Variants in BRD10 observed in about 807,000 individuals in gnomAD.
BRD10 encodes the protein bromodomain containing 10, also known as uncharacterized bromodomain-containing protein 10.
the BRD10 span, chr9:5,923,207 A>G: frequency 6.8e-6 from 11 of 1,614,006 alleles, no homozygotes; most frequent in Non-Finnish European, 8.5e-7. Context: ...CTGTCGTTTA[A>G]GTGTTTTAAG....
chr9:5,930,675 GA>G, the BRD10 span, among the ~76,000 whole-genome samples: 2 of 151,740 alleles, frequency 1.3e-5, no homozygotes, highest in African/African-American at 4.8e-5. Context: ...AAAGAATTAA[GA>G]AAAAAAATTC....
chr9:5,882,927 C>T, the BRD10 span, among the ~76,000 whole-genome samples: 23 of 152,164 alleles, frequency 1.5e-4, no homozygotes, highest in East Asian at 3.5e-3. Flanking sequence ...CCAAACACCG[C>T]GTGTTCTCAC....
chr9:5,938,397 G>C, the BRD10 span, among the ~76,000 whole-genome samples: 1 of 152,138 alleles, frequency 6.6e-6, no homozygotes, highest in Non-Finnish European at 1.5e-5. Context: ...AGCTAGCTAT[G>C]ATCGTGCCAT....
At chr9:5,882,961 A>G in the BRD10 span, among the ~76,000 whole-genome samples, 1 of 152,162 alleles carries the variant, frequency 6.6e-6, no homozygotes, top group Non-Finnish European at 1.5e-5. Flanking sequence ...TTGAACAATG[A>G]GAACACTTGG....
the BRD10 span, among the ~76,000 whole-genome samples, chr9:5,889,417 T>C: frequency 5.9e-5 from 9 of 152,236 alleles, no homozygotes; most frequent in Admixed American, 2.6e-4. Flanking sequence ...TGAATGTGTA[T>C]GCTACAGGAA....
At chr9:5,988,400 T>A in the BRD10 span, 3 of 1,613,948 alleles carry the variant, frequency 1.9e-6, no homozygotes, top group Non-Finnish European at 2.5e-6. Flanking sequence ...TGAACCATTA[T>A]AGATTCAAAA....
chr9:5,927,114 A>G, the BRD10 span, among the ~76,000 whole-genome samples: 1 of 152,198 alleles, frequency 6.6e-6, no homozygotes, highest in African/African-American at 2.4e-5. Flanking sequence ...ATGTGGGGAT[A>G]GTATAAAGTT....
the BRD10 span, among the ~76,000 whole-genome samples, chr9:6,006,529 G>GAGC: frequency 1.3e-5 from 2 of 152,162 alleles, no homozygotes; most frequent in Non-Finnish European, 2.9e-5. Context: ...CGGATACCAA[G>GAGC]AGCACAGTAT....
the BRD10 span, among the ~76,000 whole-genome samples, chr9:5,880,718 T>C: frequency 2.1e-3 from 306 of 146,344 alleles, 1 homozygote; most frequent in African/African-American, 7.5e-3. Flanking sequence ...TTTTTTTTTT[T>C]CCCTGAGATG....
chr9:6,003,552 G>C, the BRD10 span, among the ~76,000 whole-genome samples: 1 of 152,034 alleles, frequency 6.6e-6, no homozygotes, highest in African/African-American at 2.4e-5. Flanking sequence ...AGAGAAAATT[G>C]TATCTATAGC....
chr9:6,003,048 C>T, the BRD10 span, among the ~76,000 whole-genome samples: 5 of 152,232 alleles, frequency 3.3e-5, no homozygotes, highest in East Asian at 9.6e-4. Context: ...AATCACAAAA[C>T]CAAATAATCT....
At chr9:5,890,846 G>A in the BRD10 span, 1 of 152,010 alleles carries the variant, frequency 6.6e-6, no homozygotes, top group Non-Finnish European at 1.5e-5. Flanking sequence ...CTCAAAACCA[G>A]GAAAAAAAAT....
the BRD10 span, chr9:5,988,429 G>A: frequency 1.9e-6 from 3 of 1,613,692 alleles, no homozygotes; most frequent in African/African-American, 2.7e-5. Context: ...TGTCAAGCCT[G>A]CCAAACTTCG....
At chr9:5,893,253 T>C in the BRD10 span, among the ~76,000 whole-genome samples, 1 of 152,150 alleles carries the variant, frequency 6.6e-6, no homozygotes, top group East Asian at 1.9e-4. Flanking sequence ...ATACTCTGTA[T>C]GTGCTGGGAG....
At chr9:5,942,496 A>G in the BRD10 span, among the ~76,000 whole-genome samples, 1 of 152,228 alleles carries the variant, frequency 6.6e-6, no homozygotes, top group Non-Finnish European at 1.5e-5. Flanking sequence ...AATATCTATC[A>G]CAATCAATAT....
the BRD10 span, among the ~76,000 whole-genome samples, chr9:5,883,762 G>A: frequency 6.6e-6 from 1 of 151,996 alleles, no homozygotes; most frequent in Non-Finnish European, 1.5e-5. Flanking sequence ...ATGAGCCACT[G>A]CACCCACCCC....
At chr9:5,947,039 T>C in the BRD10 span, among the ~76,000 whole-genome samples, 3 of 151,942 alleles carry the variant, frequency 2.0e-5, no homozygotes, top group Non-Finnish European at 2.9e-5. Context: ...CTCTTAATTA[T>C]CAATTAGTTA....
At chr9:5,921,107 T>C in the BRD10 span, 1 of 1,613,920 alleles carries the variant, frequency 6.2e-7, no homozygotes, top group Non-Finnish European at 8.5e-7. Context: ...ACTCACAAAA[T>C]TTGAGCTTAC....
At chr9:5,964,407 C>T in the BRD10 span, among the ~76,000 whole-genome samples, 1 of 151,806 alleles carries the variant, frequency 6.6e-6, no homozygotes, top group East Asian at 1.9e-4. Flanking sequence ...CAGGAAACAA[C>T]AGGTGCTGGA....
Sources: gnomAD v4.1 joint callset for allele counts (sites outside exome capture counted in the v4.1 genomes callset) on GRCh38, gnomAD v4.1.1 for gene constraint, MANE v1.5 for transcripts, NCBI Gene and HGNC (gene_info 2026-07-23, HGNC 2026-07-21) for gene names.